The following LRRTM4 variants were observed in gnomAD, a reference collection of about 807,000 sequenced individuals.
The protein encoded by LRRTM4 is leucine-rich repeat transmembrane neuronal protein 4.
In LRRTM4, 25 loss-of-function variants were observed where a neutral mutation model predicts 47.6. That is an observed-to-expected ratio of 0.53 (90% CI 0.38 to 0.73). LRRTM4 has a LOEUF of 0.73. LRRTM4 is among the 30% of genes least tolerant of loss of function. The pLI, the probability that LRRTM4 is intolerant of heterozygous loss-of-function variation, is 0.00. For missense variants in LRRTM4, 638 were observed against 713.4 expected (o/e 0.89, Z 1.20); for synonymous variants, 311 against 269.5 (o/e 1.15, Z -1.51).
At chr2:77,262,116 G>A (rs570671233) in intron 3 of LRRTM4, among the ~76,000 whole-genome samples, 6 of 152,106 alleles carry the variant, frequency 3.9e-5, no homozygotes, top group Non-Finnish European at 7.4e-5. Flanking sequence ...CTCATAATCT[G>A]TCAGTGTCTC....
intron 3 of LRRTM4, among the ~76,000 whole-genome samples, chr2:76,856,815 CACA>C (rs1243364348): frequency 2.6e-5 from 4 of 151,898 alleles, no homozygotes; most frequent in East Asian, 1.9e-4. Flanking sequence ...AACAAAGATA[CACA>C]ACAAGATTTT....
intron 3 of LRRTM4, among the ~76,000 whole-genome samples, chr2:77,330,921 G>A (rs1670949960): frequency 1.3e-5 from 2 of 152,068 alleles, no homozygotes; most frequent in South Asian, 4.1e-4. Flanking sequence ...TTGTCAAAAT[G>A]TCAAAAGGGC....
chr2:76,951,880 T>C (rs774691565), intron 3 of LRRTM4, among the ~76,000 whole-genome samples: 32 of 151,842 alleles, frequency 2.1e-4, no homozygotes, highest in Middle Eastern at 3.4e-3. Flanking sequence ...GAACATGCAG[T>C]GTTTAGTTTT....
chr2:77,285,728 G>A (rs1676637429), intron 3 of LRRTM4, among the ~76,000 whole-genome samples: 1 of 150,704 alleles, frequency 6.6e-6, no homozygotes, highest in Non-Finnish European at 1.5e-5. Flanking sequence ...GGTGACAAAG[G>A]AAGACTCCAT....
chr2:77,022,366 CT>C (rs1433756582), intron 3 of LRRTM4, among the ~76,000 whole-genome samples: 3 of 152,084 alleles, frequency 2.0e-5, no homozygotes, highest in Non-Finnish European at 4.4e-5. Context: ...ATTCTTCCCC[CT>C]GCCCCTCCAA....
chr2:76,796,830 G>T (rs1310544710), intron 3 of LRRTM4, among the ~76,000 whole-genome samples: 1 of 152,116 alleles, frequency 6.6e-6, no homozygotes, highest in South Asian at 2.1e-4. Context: ...GAAGAAGGCA[G>T]ACGCCTCAGG....
intron 3 of LRRTM4, among the ~76,000 whole-genome samples, chr2:76,881,468 C>CTT (rs74263980): frequency 8.6e-4 from 118 of 136,654 alleles, no homozygotes; most frequent in East Asian, 2.3e-3. Flanking sequence ...TTGCTAAAGA[C>CTT]TTTTTTTTTT....
At chr2:76,896,783 G>A (rs1558721246) in intron 3 of LRRTM4, among the ~76,000 whole-genome samples, 1 of 149,530 alleles carries the variant, frequency 6.7e-6, no homozygotes, top group Non-Finnish European at 1.5e-5. Flanking sequence ...CTTAAGGGCA[G>A]TGAGGTCTGC....
intron 3 of LRRTM4, among the ~76,000 whole-genome samples, chr2:77,458,379 C>T (rs142348158): frequency 3.4e-4 from 52 of 152,202 alleles, no homozygotes; most frequent in African/African-American, 1.1e-3. Flanking sequence ...CAGGCATTAG[C>T]TGGGTCAGTG....
At chr2:77,422,610 T>C (rs1415625163) in intron 3 of LRRTM4, among the ~76,000 whole-genome samples, 1 of 152,172 alleles carries the variant, frequency 6.6e-6, no homozygotes, top group African/African-American at 2.4e-5. Flanking sequence ...ATCATAGAAA[T>C]TTGAAAAAAT....
At chr2:76,890,851 A>G (rs1199655690) in intron 3 of LRRTM4, among the ~76,000 whole-genome samples, 3 of 151,940 alleles carry the variant, frequency 2.0e-5, no homozygotes, top group Non-Finnish European at 4.4e-5. Flanking sequence ...ATGCCAGAAT[A>G]GAGGGTTAGA....
At chr2:77,351,151 T>C (rs1184436394) in intron 3 of LRRTM4, among the ~76,000 whole-genome samples, 2 of 152,138 alleles carry the variant, frequency 1.3e-5, no homozygotes, top group Non-Finnish European at 2.9e-5. Flanking sequence ...AGCTCCCACT[T>C]ATAAGTGAAA....
chr2:77,520,643 G>A (rs1292389807), intron 2 of LRRTM4, among the ~76,000 whole-genome samples: 1 of 152,050 alleles, frequency 6.6e-6, no homozygotes, highest in Non-Finnish European at 1.5e-5. Flanking sequence ...AAATAATATT[G>A]TGTAGTATCA....
At chr2:77,361,640 G>A (rs1017196104) in intron 3 of LRRTM4, among the ~76,000 whole-genome samples, 5 of 152,040 alleles carry the variant, frequency 3.3e-5, no homozygotes, top group Non-Finnish European at 7.4e-5. Context: ...ACTATGCCTG[G>A]TATAAACTAG....
chr2:76,770,545 GTTAATGTT>G (rs1222756587), intron 3 of LRRTM4, among the ~76,000 whole-genome samples: 1 of 152,102 alleles, frequency 6.6e-6, no homozygotes, highest in African/African-American at 2.4e-5. Flanking sequence ...TTAAATGTTT[GTTAATGTT>G]TTAATTTCGG....
intron 3 of LRRTM4, among the ~76,000 whole-genome samples, chr2:77,349,953 T>C (rs1022742830): frequency 3.9e-5 from 6 of 152,002 alleles, no homozygotes; most frequent in African/African-American, 1.2e-4. Flanking sequence ...TGGCACTAGG[T>C]TCAGAATCTT....
chr2:77,044,172 T>TG, intron 3 of LRRTM4, among the ~76,000 whole-genome samples: 1 of 151,900 alleles, frequency 6.6e-6, no homozygotes, highest in Non-Finnish European at 1.5e-5. Flanking sequence ...GTGCACCCAA[T>TG]GCAGCAATAC....
At chr2:77,420,850 T>C (rs1674849217) in intron 3 of LRRTM4, among the ~76,000 whole-genome samples, 1 of 146,102 alleles carries the variant, frequency 6.8e-6, no homozygotes, top group African/African-American at 2.5e-5. Context: ...TAAGGCCCTT[T>C]CAGTGGACAA....
intron 3 of LRRTM4, among the ~76,000 whole-genome samples, chr2:77,250,013 T>C (rs1675559682): frequency 6.6e-6 from 1 of 152,058 alleles, no homozygotes; most frequent in Non-Finnish European, 1.5e-5. Flanking sequence ...TATCAAATCA[T>C]CAAAAGACAT....
Sources: gnomAD v4.1 joint callset for allele counts (sites outside exome capture counted in the v4.1 genomes callset) on GRCh38, gnomAD v4.1.1 for gene constraint, MANE v1.5 for transcripts, NCBI Gene and HGNC (gene_info 2026-07-23, HGNC 2026-07-21) for gene names.